Variants in PRR12 observed in about 807,000 individuals in gnomAD.
PRR12 encodes the protein proline rich 12, also known as proline-rich protein 12.
In PRR12, 12 loss-of-function variants were observed where a neutral mutation model predicts 138.0. The ratio of observed to expected loss-of-function variants is 0.09; its 90% CI spans 0.06 to 0.14. The LOEUF is 0.14. PRR12 is among the 10% of genes least tolerant of loss of function. PRR12 has a pLI of 1.00. For synonymous variants in PRR12, 1,567 were observed against 1,291.7 expected, an observed-to-expected ratio of 1.21 and a Z score of -4.57; for missense variants, 2,692 against 2,861.3, an observed-to-expected ratio of 0.94 and a Z score of 1.35.
intron 6 of PRR12, among the ~76,000 whole-genome samples, chr19:49,610,384 C>A (rs2080859722): frequency 6.6e-6 from 1 of 152,240 alleles, no homozygotes; most frequent in East Asian, 1.9e-4. Context: ...AGTTCAGTTT[C>A]TCAGAAGAAA....
chr19:49,602,028 C>T (rs941097031), intron 6 of PRR12, 110 bp downstream of exon 6: 28 of 1,371,558 alleles, frequency 2.0e-5, no homozygotes, highest in Admixed American at 6.5e-5. Flanking sequence ...CAGTCGTGGC[C>T]GGGCCGCCCT....
Position 49,615,986 on chromosome 19 carries a change from G to A in PRR12, c.5264G>A (p.Arg1755Gln), listed in dbSNP as rs975059799. 1.2e-5 allele frequency: 18 copies of A among 1,552,588 alleles called. No individual in the cohort carries two copies. The highest frequency in any genetic ancestry group is 1.4e-5 in the Non-Finnish European group (16 of 1,147,636). The stretch of plus-strand genomic sequence containing the variant: ...GTGACACGTGGAGAGCGGCCATTGC[G>A]GGGTGAGCGGGCCACCAGCGGACGG... ...EKVTRGERPL[R>Q]GERATSGRQT... Residue 1755 changes from arginine to glutamine, a missense_variant, in exon 9 of 14, where the codon CGG becomes CAG. By Grantham distance (43) the Arg-to-Gln change is conservative (BLOSUM62 1). Transcript: ENST00000418929.
rs2080797828 is a variant in PRR12 at position 49,599,571 on chromosome 19, C to T, written c.3978C>T (p.Pro1326=). Residue 1326 remains proline, a synonymous_variant, in exon 5 of 14, where the codon CCC becomes CCT. Coordinates refer to ENST00000418929, the MANE Select transcript of PRR12 (RefSeq NM_020719.3). This position sits in a 1 kb window ranked among gnomAD's most constrained non-coding sequence, Gnocchi z 5.0. The part of the protein sequence containing the change: ...SVPARGLQPQ[P]PATPAVPHPP... ...CAGCCCGAGGCCTGCAGCCCCAGCC[C>T]CCTGCCACCCCTGCTGTGCCACATC... 1 of 1,594,086 alleles carries T rather than the reference C, an allele frequency of 6.3e-7. No individual in the cohort carries two copies. The highest frequency in any genetic ancestry group is 8.5e-7 in the Non-Finnish European group (1 of 1,170,328).
intron 6 of PRR12, among the ~76,000 whole-genome samples, chr19:49,609,149 A>G (rs765663642): frequency 1.8e-4 from 27 of 152,264 alleles, no homozygotes; most frequent in Middle Eastern, 6.8e-3. Flanking sequence ...TCCTGTCTGT[A>G]CTAAAAATAC....
Position 49,595,445 on chromosome 19 carries a change from C to A in PRR12, c.1110C>A (p.Gly370=), listed in dbSNP as rs764691824. The A allele has an allele frequency of 4.9e-6, 5 of 1,028,762 alleles. No homozygotes were observed. Among genetic ancestry groups the A allele is most frequent in the Middle Eastern group, 2.9e-4 (1 of 3,494 alleles). The allele number at this position is 1,028,762 out of a possible 1,614,324, so 63.7% of individuals were successfully genotyped here. A position where few individuals can be genotyped will look rare whatever the true frequency, so the allele number is the denominator to read the frequency against. ...GRATGPEAAG[G]GGAGGGGGGY... ...CCACGGGCCCTGAGGCAGCAGGGGG[C>A]GGTGGGGCTGGGGGTGGTGGTGGAG... Residue 370 remains glycine (G), a synonymous_variant, in exon 4 of 14, where the codon GGC becomes GGA. Transcript: ENST00000418929.
chr19:49,613,397 C>T (rs2122351175), intron 6 of PRR12, among the ~76,000 whole-genome samples: 1 of 151,706 alleles, frequency 6.6e-6, no homozygotes, highest in Admixed American at 6.6e-5. Flanking sequence ...AGGGAATTGG[C>T]ATTAGGACAT....
chr19:49,596,951 G>C lies in PRR12; in HGVS notation c.2616G>C (p.Glu872Asp), dbSNP rs778416393. The C allele has an allele frequency of 7.0e-5, 109 of 1,551,676 alleles. No individual in the cohort carries two copies. Among genetic ancestry groups the C allele is most frequent in the Non-Finnish European group, 9.3e-5 (107 of 1,153,948 alleles). Residue 872 changes from glutamate (E) to aspartate (D), a missense_variant, in exon 4 of 14, where the codon GAG (glutamate) becomes GAC (aspartate). Physicochemically the swap from Glu to Asp is conservative, Grantham distance 45. Transcript: ENST00000418929. The surrounding 1 kb of genome is among the most constrained non-coding windows in gnomAD (Gnocchi z 5.6). The part of the protein sequence containing the change: ...AAPSPRLRPE[E>D]SLDPPGAMQE... The stretch of plus-strand genomic sequence containing the variant: ...CCAGCCCCCGCCTGCGACCCGAGGA[G>C]AGCCTGGATCCGCCAGGCGCCATGC...
In PRR12 at chr19:49,616,181, C is replaced by T. The variant is rs963578853; in HGVS notation, c.5459C>T (p.Ser1820Leu). ...TAGGGPPGSS[S>L]DSESSPGAPS... ...GGCGGGGGCCCACCAGGCAGCTCCT[C>T]GGACTCGGAGTCCTCCCCTGGAGCC... Residue 1820 changes from serine (S) to leucine (L), a missense_variant, in exon 9 of 14, where the codon TCG becomes TTG. By Grantham distance (145) the Ser-to-Leu change is moderately radical. This residue lies in a region of PRR12 where 259 missense variants were observed against 265.1 expected (regional missense o/e 0.98). Coordinates refer to ENST00000418929, the MANE Select transcript of PRR12 (RefSeq NM_020719.3). The surrounding 1 kb of genome is among the most constrained non-coding windows in gnomAD (Gnocchi z 4.2). The T allele has an allele frequency of 7.7e-6, 12 of 1,553,176 alleles. No individual in the cohort carries two copies. In the Middle Eastern group the frequency reaches 5.0e-4, roughly 65 times the overall value.
rs1160486058 is a variant in PRR12, at chr19:49,595,809, G to T, written c.1474G>T (p.Ala492Ser). The T allele has an allele frequency of 6.3e-7, 1 of 1,598,428 alleles. No homozygotes were observed. The highest frequency in any genetic ancestry group is 1.7e-5 in the Admixed American group (1 of 58,424). ...PPSGPPPPGL[A>S]TCQSYSPDQL... is the part of the protein sequence containing the mutation. ...CAGCGGCCCCCCTCCTCCTGGCCTG[G>T]CCACATGTCAGAGCTACTCCCCGGA... The change falls in exon 4 of 14, where the codon GCC becomes TCC. Residue 492 changes from alanine to serine, a missense_variant. Physicochemically the swap from Ala to Ser is moderately conservative, Grantham distance 99 (BLOSUM62 1). This residue lies in a region of PRR12 where 523 missense variants were observed against 496.4 expected (regional missense o/e 1.05). Transcript: ENST00000418929.
At chr19:49,615,700 G>C in intron 8 of PRR12, 47 bp from the exon 9 acceptor site, 1 of 1,526,234 alleles carries the variant, frequency 6.6e-7, no homozygotes, top group Non-Finnish European at 9.0e-7. Flanking sequence ...GGAGAATTTG[G>C]ATTATTGGGG....
chr19:49,598,952 A>C (rs1478773032), intron 4 of PRR12, among the ~76,000 whole-genome samples: 2 of 152,042 alleles, frequency 1.3e-5, no homozygotes, highest in African/African-American at 4.8e-5. Flanking sequence ...GAGCCACCTC[A>C]CCCGGTCTGC....
At chr19:49,606,166 A>G (rs1472793753) in intron 6 of PRR12, among the ~76,000 whole-genome samples, 2 of 151,744 alleles carry the variant, frequency 1.3e-5, no homozygotes, top group Non-Finnish European at 2.9e-5. Flanking sequence ...ATGCCTGGCA[A>G]ATTTTTTTAT....
chr19:49,597,664 T>A lies in PRR12; in HGVS notation c.3329T>A (p.Val1110Asp). ...EFEADEDKADVPADIRLNPRR... is the reference protein window; with the variant it reads ...EFEADEDKADDPADIRLNPRR... ...GAGGCGGACGAGGACAAGGCCGATG[T>A]TCCCGCCGACATCCGCCTCAACCCC... Residue 1110 changes from valine (V) to aspartate (D), a missense_variant, in exon 4 of 14, where the codon GTT (valine) becomes GAT (aspartate). Physicochemically the swap from Val to Asp is radical, Grantham distance 152. This residue lies in a region of PRR12 where 840 missense variants were observed against 689.8 expected (regional missense o/e 1.22). Transcript: ENST00000418929. The surrounding 1 kb of genome is among the most constrained non-coding windows in gnomAD (Gnocchi z 6.3). The A allele has an allele frequency of 6.2e-7, 1 of 1,604,798 alleles. No homozygotes were observed. The highest frequency in any genetic ancestry group is 8.5e-7 in the Non-Finnish European group (1 of 1,176,716).
chr19:49,620,273 G>T, intron 9 of PRR12, 79 bp from the exon 10 acceptor site: 1 of 1,575,280 alleles, frequency 6.3e-7, no homozygotes, highest in Non-Finnish European at 8.6e-7. Context: ...CCGGTCCCCA[G>T]TGTTGAGAAC....
At chr19:49,621,807 A>C in intron 11 of PRR12, 185 bp downstream of exon 11, 2 of 589,946 alleles carry the variant, frequency 3.4e-6, no homozygotes, top group South Asian at 4.0e-5. Context: ...CATGAAGCCC[A>C]TGTGGGGAGG....
In PRR12 at chr19:49,595,446, G is replaced by A. The variant is rs1416431190; in HGVS notation, c.1111G>A (p.Gly371Ser). The A allele has an allele frequency of 1.4e-5, 21 of 1,548,092 alleles. No homozygotes were observed. Among genetic ancestry groups the A allele is most frequent in the East Asian group, 9.8e-5 (4 of 40,974 alleles). The change falls in exon 4 of 14, where the codon GGT (glycine) becomes AGT (serine). Residue 371 changes from glycine (G) to serine (S), a missense_variant. Physicochemically the swap from Gly to Ser is moderately conservative, Grantham distance 56. Coordinates refer to ENST00000418929, the MANE Select transcript of PRR12 (RefSeq NM_020719.3). The stretch of plus-strand genomic sequence containing the variant: ...CACGGGCCCTGAGGCAGCAGGGGGC[G>A]GTGGGGCTGGGGGTGGTGGTGGAGG... The part of the protein sequence containing the change: ...RATGPEAAGG[G>S]GAGGGGGGYR...
rs779171106 is a variant in PRR12 at position 49,599,552 on chromosome 19, G to A, written c.3959G>A (p.Arg1320Gln). Residue 1320 changes from arginine to glutamine, a missense_variant, in exon 5 of 14, where the codon CGA becomes CAA. Coordinates refer to ENST00000418929, the MANE Select transcript of PRR12 (RefSeq NM_020719.3). The surrounding 1 kb of genome is among the most constrained non-coding windows in gnomAD (Gnocchi z 5.0). The part of the protein sequence containing the change: ...PKSVPPSVPA[R>Q]GLQPQPPATP... ...AGTGTGCCACCCTCTGTGCCAGCCCGAGGCCTGCAGCCCCAGCCCCCTGCC... is the reference window on the plus strand; with the variant it reads ...AGTGTGCCACCCTCTGTGCCAGCCCAAGGCCTGCAGCCCCAGCCCCCTGCC... 3.4e-5 allele frequency: 55 copies of A among 1,595,022 alleles called. 1 individual carries two copies. The highest frequency in any genetic ancestry group is 2.3e-5 in the East Asian group (1 of 44,074).
chr19:49,603,139 C>T (rs1376710296), intron 6 of PRR12, among the ~76,000 whole-genome samples: 4 of 152,246 alleles, frequency 2.6e-5, no homozygotes, highest in Non-Finnish European at 5.9e-5. Flanking sequence ...GTTTGCTGGC[C>T]TCTACTGTAC....
chr19:49,594,387 C>T lies in PRR12; in HGVS notation c.200-67C>T, dbSNP rs944214789. On this transcript the variant is annotated intron_variant, in intron 2 of 13. Coordinates refer to ENST00000418929, the MANE Select transcript of PRR12 (RefSeq NM_020719.3). The surrounding 1 kb of genome is among the most constrained non-coding windows in gnomAD (Gnocchi z 5.6). ...TGATCCAACTTGCTTTTGGCCTCTT[C>T]CCTTTCTCTCTTGACTGTATCCTAC... The T allele has an allele frequency of 4.2e-5, 61 of 1,451,754 alleles. No homozygotes were observed. The highest frequency in any genetic ancestry group is 7.2e-5 in the Admixed American group (3 of 41,852). The allele number at this position is 1,451,754 out of a possible 1,614,324, so 89.9% of individuals were successfully genotyped here. A position where few individuals can be genotyped will look rare whatever the true frequency, so the allele number is the denominator to read the frequency against.
Sources: allele counts gnomAD v4.1 joint callset (sites outside exome capture counted in the v4.1 genomes callset), GRCh38; gene constraint gnomAD v4.1.1; regional missense constraint gnomAD v4.1.1; non-coding constraint Gnocchi (gnomAD v3.1); transcripts MANE v1.5; gene names NCBI Gene and HGNC (gene_info 2026-07-23, HGNC 2026-07-21).